The following CFAP57 variants were observed in gnomAD, a reference collection of about 807,000 sequenced individuals.
CFAP57 encodes the protein cilia and flagella associated protein 57.
In CFAP57, 116 loss-of-function variants were observed where a neutral mutation model predicts 146.8. That is an observed-to-expected ratio of 0.79 (90% confidence interval 0.68 to 0.92). The LOEUF (loss-of-function observed/expected upper bound fraction) is 0.92. CFAP57 is among the 40% of genes least tolerant of loss of function. The pLI is 0.00. For synonymous variants in CFAP57, 518 were observed against 552.8 expected, an observed-to-expected ratio of 0.94 and a Z score of 0.88; for missense variants, 1,377 against 1,527.2, an observed-to-expected ratio of 0.90 and a Z score of 1.64.
intron 9 of CFAP57, among the ~76,000 whole-genome samples, chr1:43,203,220 C>A (rs559502813): frequency 6.6e-6 from 1 of 151,852 alleles, no homozygotes; most frequent in South Asian, 2.1e-4. Context: ...TAACTTAAAA[C>A]CTTTCTACAA....
chr1:43,185,925 GA>G (rs1044450866), intron 5 of CFAP57, among the ~76,000 whole-genome samples: 17 of 147,812 alleles, frequency 1.2e-4, no homozygotes, highest in Admixed American at 8.8e-4. Context: ...CTCAAAAAAA[GA>G]AAAAAAAATA....
intron 22 of CFAP57, among the ~76,000 whole-genome samples, chr1:43,247,094 C>G (rs918722121): frequency 6.6e-6 from 1 of 152,324 alleles, no homozygotes; most frequent in South Asian, 2.1e-4. Flanking sequence ...TCATCCACCT[C>G]TCCAAACAAC....
intron 6 of CFAP57, among the ~76,000 whole-genome samples, chr1:43,187,490 T>TA (rs1391195672): frequency 6.6e-6 from 1 of 152,140 alleles, no homozygotes; most frequent in Admixed American, 6.6e-5. Flanking sequence ...TTAATTGAGT[T>TA]ATGATTCACA....
At position 43,227,108 on chromosome 1, in the gene CFAP57, G is replaced by A; in HGVS notation, c.2991G>A (p.Met997Ile). 3.2e-6 allele frequency: 5 copies of A among 1,539,430 alleles called. No homozygotes were observed. The highest frequency in any genetic ancestry group is 4.4e-6 in the Non-Finnish European group (5 of 1,141,772). ...IEPRENEIRV[M>I]KEQIQEMEAE... ...CTCGAGAGAATGAGATCAGGGTGAT[G>A]AAGGAACAGATTCAGGAGGTAAGAA... The change falls in exon 18 of 23, where the codon ATG (methionine) becomes ATA (isoleucine). Residue 997 changes from methionine to isoleucine, a missense_variant. Met to Ile is a conservative substitution (Grantham distance 10). Coordinates refer to ENST00000372492, the MANE Select transcript of CFAP57 (RefSeq NM_001378189.1).
chr1:43,236,510 C>G (rs1349732232), intron 21 of CFAP57, among the ~76,000 whole-genome samples: 1 of 140,862 alleles, frequency 7.1e-6, no homozygotes, highest in African/African-American at 2.6e-5. Flanking sequence ...AAACACCAAC[C>G]TGAGAGTGGG....
intron 21 of CFAP57, among the ~76,000 whole-genome samples, chr1:43,241,419 T>C (rs1483934848): frequency 6.6e-6 from 1 of 151,948 alleles, no homozygotes; most frequent in African/African-American, 2.4e-5. Flanking sequence ...AAAAGAATCA[T>C]TGCGGTGTCT....
intron 9 of CFAP57, among the ~76,000 whole-genome samples, chr1:43,205,508 C>T (rs1165959716): frequency 2.0e-5 from 3 of 152,276 alleles, no homozygotes; most frequent in African/African-American, 4.8e-5. Flanking sequence ...TGTGTGTGCA[C>T]GTATGTAAGC....
At position 43,202,509 on chromosome 1, in the gene CFAP57, G is replaced by T. The variant is rs542039407; in HGVS notation, c.1542+3006G>T. Among the ~76,000 whole-genome samples, 4 of 152,296 alleles carry T rather than the reference G, an allele frequency of 2.6e-5. No individual in the cohort carries two copies. In the South Asian group the frequency reaches 6.2e-4, roughly 24 times the overall value. On this transcript the variant is annotated intron_variant, in intron 9 of 22. Transcript: ENST00000372492. Reference sequence around the variant, plus strand: ...AAAAAGATCTGAAAGGGGTCCGGGCGCAGTCACTCACGCCTGTAATCTCAG... The same window carrying T: ...AAAAAGATCTGAAAGGGGTCCGGGCTCAGTCACTCACGCCTGTAATCTCAG...
At chr1:43,215,216 C>T in intron 11 of CFAP57, 39 bp from the exon 12 acceptor site, 1 of 1,550,338 alleles carries the variant, frequency 6.5e-7, no homozygotes, top group South Asian at 1.2e-5. Context: ...TCATCTGTGG[C>T]CTTGAAAGCT....
intron 22 of CFAP57, among the ~76,000 whole-genome samples, chr1:43,253,405 C>T (rs2124701080): frequency 6.6e-6 from 1 of 152,270 alleles, no homozygotes; most frequent in South Asian, 2.1e-4. Flanking sequence ...AGGCCAAGGT[C>T]ACTAATGCTG....
intron 13 of CFAP57, 38 bp from the exon 14 acceptor site, chr1:43,221,334 C>A: frequency 6.9e-7 from 1 of 1,449,552 alleles, no homozygotes; most frequent in South Asian, 1.4e-5. Context: ...GTGCTTTCAG[C>A]AGATGTGTGT....
At chr1:43,183,120 G>C (rs1449470129) in intron 3 of CFAP57, among the ~76,000 whole-genome samples, 1 of 152,194 alleles carries the variant, frequency 6.6e-6, no homozygotes, top group Non-Finnish European at 1.5e-5. Flanking sequence ...CTTATGATGG[G>C]TTTATCAGGA....
intron 10 of CFAP57, 134 bp downstream of exon 10, chr1:43,207,066 G>C: frequency 1.2e-6 from 1 of 855,384 alleles, no homozygotes; most frequent in Non-Finnish European, 1.9e-6. Flanking sequence ...ATAACATCAG[G>C]CTCCTCATTC....
intron 6 of CFAP57, among the ~76,000 whole-genome samples, chr1:43,195,262 A>G (rs7532103): frequency 0.18 from 27,433 of 152,124 alleles, 3,586 homozygotes; most frequent in African/African-American, 0.35. Flanking sequence ...GATGGCTCAC[A>G]CCTATAATCC....
At chr1:43,253,103 G>A (rs577381871) in intron 22 of CFAP57, among the ~76,000 whole-genome samples, 36 of 152,268 alleles carry the variant, frequency 2.4e-4, no homozygotes, top group Non-Finnish European at 4.3e-4. Flanking sequence ...CAAGCAGGGC[G>A]CATGGGACAG....
At chr1:43,207,067 C>G (rs549958544) in intron 10 of CFAP57, 135 bp downstream of exon 10, 1 of 834,026 alleles carries the variant, frequency 1.2e-6, no homozygotes, top group South Asian at 1.5e-5. Context: ...TAACATCAGG[C>G]TCCTCATTCC....
At chr1:43,185,907 G>A (rs1254061580) in intron 5 of CFAP57, among the ~76,000 whole-genome samples, 2 of 151,584 alleles carry the variant, frequency 1.3e-5, no homozygotes, top group Non-Finnish European at 2.9e-5. Flanking sequence ...GACAGATTGA[G>A]ACTCTGTCTC....
At chr1:43,193,675 C>T (rs1472130520) in intron 6 of CFAP57, among the ~76,000 whole-genome samples, 2 of 151,820 alleles carry the variant, frequency 1.3e-5, no homozygotes, top group Non-Finnish European at 1.5e-5. Context: ...ATATATATTA[C>T]ATCTATGAGT....
At chr1:43,234,151 G>T in intron 19 of CFAP57, 128 bp from the exon 20 acceptor site, 2 of 1,103,602 alleles carry the variant, frequency 1.8e-6, no homozygotes, top group Non-Finnish European at 2.5e-6. Context: ...TATGGCCCCT[G>T]GCAGTCAGCT....
Sources: allele counts gnomAD v4.1 joint callset (sites outside exome capture counted in the v4.1 genomes callset), GRCh38; gene constraint gnomAD v4.1.1; transcripts MANE v1.5; gene names NCBI Gene and HGNC (gene_info 2026-07-23, HGNC 2026-07-21).